The following OR14C36 variants were observed in gnomAD, a reference collection of about 807,000 sequenced individuals.
The protein encoded by OR14C36 is olfactory receptor 14C36.
For missense variants in OR14C36, 404 were observed against 384.8 expected (o/e 1.05, Z -0.42); for synonymous variants, 142 against 146.8 (o/e 0.97, Z 0.24).
chr1:248,349,119 T>C lies in OR14C36; in HGVS notation c.345T>C (p.Ile115=), dbSNP rs1333287557. 4 of 1,613,952 alleles carry C rather than the reference T, an allele frequency of 2.5e-6. No individual in the cohort carries two copies. The highest frequency in any genetic ancestry group is 1.7e-5 in the Admixed American group (1 of 59,970). The change falls in exon 1 of 1, where the codon ATT becomes ATC. Residue 115 remains isoleucine, a synonymous_variant. Coordinates refer to ENST00000317861, the MANE Select transcript of OR14C36 (RefSeq NM_001001918.1). ...ATGTGGAGCTTCTGTTTCTCACCAT[T>C]ATGGCTCATGACCGCTATGTGGCTG... ...FVYVELLFLT[I]MAHDRYVAVC...
chr1:248,349,457 G>T lies in OR14C36; in HGVS notation c.683G>T (p.Arg228Ile), dbSNP rs1415558005. The T allele has an allele frequency of 6.2e-7, 1 of 1,613,988 alleles. No individual in the cohort carries two copies. The highest frequency in any genetic ancestry group is 2.2e-5 in the East Asian group (1 of 44,870). ...HIFSTVLGFP[R>I]GADRTKAFST... The stretch of plus-strand genomic sequence containing the variant: ...TTTTCGACCGTGCTCGGGTTTCCAA[G>T]AGGAGCAGACAGAACAAAGGCCTTT... The change falls in exon 1 of 1, where the codon AGA becomes ATA. Residue 228 changes from arginine to isoleucine, a missense_variant. Coordinates refer to ENST00000317861, the MANE Select transcript of OR14C36 (RefSeq NM_001001918.1).
Position 248,348,783 on chromosome 1 carries a change from T to C in OR14C36, c.9T>C (p.Asn3=), listed in dbSNP as rs1660457859. Residue 3 remains asparagine, a synonymous_variant, in exon 1 of 1, where the codon AAT becomes AAC. Coordinates refer to ENST00000317861, the MANE Select transcript of OR14C36 (RefSeq NM_001001918.1). ...AGCTTCATCATCCACCGATGCCCAA[T>C]TCAACCACCGTGATGGAATTTCTCC... The part of the protein sequence containing the change: MP[N]STTVMEFLLM... 1 of 1,578,656 alleles carries C rather than the reference T, an allele frequency of 6.3e-7. No individual in the cohort carries two copies.
At position 248,349,526 on chromosome 1, in the gene OR14C36, G is replaced by A. The variant is rs1393775643; in HGVS notation, c.752G>A (p.Ser251Asn). 6.2e-7 allele frequency: 1 copy of A among 1,614,030 alleles called. No individual in the cohort carries two copies. ...ATCCTGGTGGTGTCAGTCTTCCTCA[G>A]TTCATGCTCTTCTGTGTACCTCAGG... ...PHILVVSVFL[S>N]SCSSVYLRPP... Residue 251 changes from serine to asparagine, a missense_variant, in exon 1 of 1, where the codon AGT becomes AAT. Physicochemically the swap from Ser to Asn is conservative, Grantham distance 46. Transcript: ENST00000317861.
chr1:248,349,246 A>G lies in OR14C36; in HGVS notation c.472A>G (p.Thr158Ala). Residue 158 changes from threonine to alanine, a missense_variant, in exon 1 of 1, where the codon ACT becomes GCT. Thr to Ala is a moderately conservative substitution (Grantham distance 58). Transcript: ENST00000317861. The stretch of plus-strand genomic sequence containing the variant: ...TGGTCTTGTCTATGCAGGCATGCAC[A>G]CTGGCAGCACATTCCAGCTGCCCTT... Reference protein sequence around the residue: ...LSGLVYAGMHTGSTFQLPFCR... With the variant: ...LSGLVYAGMHAGSTFQLPFCR... 6.2e-7 allele frequency: 1 copy of G among 1,613,958 alleles called. No homozygotes were observed.
In OR14C36 at chr1:248,349,571, C is replaced by A. The variant is rs567673486; in HGVS notation, c.797C>A (p.Ala266Asp). ...VYLRPPAIPA[A>D]TQDLILSGFY... ...CTCAGGCCACCTGCGATACCTGCAG[C>A]CACCCAGGATCTGATCCTTTCTGGT... The change falls in exon 1 of 1, where the codon GCC becomes GAC. Residue 266 changes from alanine to aspartate, a missense_variant. Ala to Asp is a moderately radical substitution (Grantham distance 126, BLOSUM62 -2). Transcript: ENST00000317861. The A allele has an allele frequency of 5.9e-5, 95 of 1,614,092 alleles. 1 individual carries two copies. The South Asian group carries it at 9.2e-4, about 16-fold the overall frequency.
In OR14C36 at chr1:248,349,086, T is replaced by C. The variant is rs569058329; in HGVS notation, c.312T>C (p.Phe104=). The part of the protein sequence containing the change: ...GCVAQVFLVV[F]FVYVELLFLT... ...TAGCTCAGGTCTTCCTCGTGGTTTTTTTTGTATATGTGGAGCTTCTGTTTC... is the reference window on the plus strand; with the variant it reads ...TAGCTCAGGTCTTCCTCGTGGTTTTCTTTGTATATGTGGAGCTTCTGTTTC... Residue 104 remains phenylalanine, a synonymous_variant, in exon 1 of 1, where the codon TTT becomes TTC. Transcript: ENST00000317861. 1.9e-5 allele frequency: 30 copies of C among 1,613,914 alleles called. No individual in the cohort carries two copies. The South Asian group carries it at 2.7e-4, about 15-fold the overall frequency.
At position 248,349,508 on chromosome 1, in the gene OR14C36, T is replaced by C; in HGVS notation, c.734T>C (p.Val245Ala). The stretch of plus-strand genomic sequence containing the variant: ...TCCACCTGCATCCCTCACATCCTGG[T>C]GGTGTCAGTCTTCCTCAGTTCATGC... ...AFSTCIPHIL[V>A]VSVFLSSCSS... Residue 245 changes from valine (V) to alanine (A), a missense_variant, in exon 1 of 1, where the codon GTG becomes GCG. Coordinates refer to ENST00000317861, the MANE Select transcript of OR14C36 (RefSeq NM_001001918.1). 6.2e-7 allele frequency: 1 copy of C among 1,614,088 alleles called. No homozygotes were observed.
rs971614761 is a variant in OR14C36 at position 248,349,476 on chromosome 1, G to A, written c.702G>A (p.Lys234=). The A allele has an allele frequency of 3.1e-6, 5 of 1,613,846 alleles. No individual in the cohort carries two copies. In the Admixed American group the frequency reaches 6.7e-5, roughly 22 times the overall value. Residue 234 remains lysine (K), a synonymous_variant, in exon 1 of 1, where the codon AAG becomes AAA. Transcript: ENST00000317861. ...LGFPRGADRT[K]AFSTCIPHIL... is the part of the protein sequence containing the mutation. ...TTCCAAGAGGAGCAGACAGAACAAA[G>A]GCCTTTTCCACCTGCATCCCTCACA...
Position 248,349,280 on chromosome 1 carries a change from C to T in OR14C36, c.506C>T (p.Ser169Phe), listed in dbSNP as rs1489983438. ...GSTFQLPFCR[S>F]NVIHQFFCDI... ...ACATTCCAGCTGCCCTTCTGTCGGT[C>T]CAACGTTATTCATCAATTCTTCTGT... Residue 169 changes from serine (S) to phenylalanine (F), a missense_variant, in exon 1 of 1, where the codon TCC becomes TTC. By Grantham distance (155) the Ser-to-Phe change is radical (BLOSUM62 -2). Transcript: ENST00000317861. 6.2e-7 allele frequency: 1 copy of T among 1,614,028 alleles called. No homozygotes were observed. Among genetic ancestry groups the T allele is most frequent in the Non-Finnish European group, 8.5e-7 (1 of 1,179,998 alleles).
At chr1:248,348,948 C>G in the OR14C36 span, 1 of 1,613,684 alleles carries the variant, frequency 6.2e-7, no homozygotes, top group Non-Finnish European at 8.5e-7. Flanking sequence ...TGCCCATGTA[C>G]TTCTTCCTCA....
At position 248,349,430 on chromosome 1, in the gene OR14C36, T is replaced by C; in HGVS notation, c.656T>C (p.Ile219Thr). 1 of 1,614,048 alleles carries C rather than the reference T, an allele frequency of 6.2e-7. No individual in the cohort carries two copies. Among genetic ancestry groups the C allele is most frequent in the Non-Finnish European group, 8.5e-7 (1 of 1,179,990 alleles). ...FIFIIRSYIH[I>T]FSTVLGFPRG... ...TTTATCATCAGGTCTTACATTCACA[T>C]CTTTTCGACCGTGCTCGGGTTTCCA... is the stretch of plus-strand genomic sequence containing the variant. Residue 219 changes from isoleucine to threonine, a missense_variant, in exon 1 of 1, where the codon ATC becomes ACC. By Grantham distance (89) the Ile-to-Thr change is moderately conservative. Transcript: ENST00000317861.
Position 248,348,976 on chromosome 1 carries a change from G to C in OR14C36, c.202G>C (p.Asp68His). ...YFFLRNLSIL[D>H]ACYISVTVPT... ...CTTCCTCAGGAATCTGTCTATCTTG[G>C]ATGCCTGCTACATTTCTGTTACAGT... Residue 68 changes from aspartate (D) to histidine (H), a missense_variant, in exon 1 of 1, where the codon GAT (aspartate) becomes CAT (histidine). Asp to His is a moderately conservative substitution (Grantham distance 81, BLOSUM62 -1). Coordinates refer to ENST00000317861, the MANE Select transcript of OR14C36 (RefSeq NM_001001918.1). 6.2e-7 allele frequency: 1 copy of C among 1,613,384 alleles called. No individual in the cohort carries two copies. The highest frequency in any genetic ancestry group is 8.5e-7 in the Non-Finnish European group (1 of 1,179,886).
At position 248,349,659 on chromosome 1, in the gene OR14C36, A is replaced by G. The variant is rs757835742; in HGVS notation, c.885A>G (p.Ile295Met). 1.2e-6 allele frequency: 2 copies of G among 1,606,616 alleles called. No homozygotes were observed. The highest frequency in any genetic ancestry group is 3.4e-5 in the Admixed American group (2 of 58,162). Residue 295 changes from isoleucine (I) to methionine (M), a missense_variant, in exon 1 of 1, where the codon ATA becomes ATG. Ile to Met is a conservative substitution (Grantham distance 10). Coordinates refer to ENST00000317861, the MANE Select transcript of OR14C36 (RefSeq NM_001001918.1). ...TTTACAGTCTTAGAAATAAGCAAAT[A>G]AAGGTGGCCATCAAGAAAATCATGA... ...PIIYSLRNKQ[I>M]KVAIKKIMKR...
rs775604953 is a variant in OR14C36 at position 248,348,902 on chromosome 1, T to C, written c.128T>C (p.Ile43Thr). 10 of 1,613,844 alleles carry C rather than the reference T, an allele frequency of 6.2e-6. No homozygotes were observed. The highest frequency in any genetic ancestry group is 1.3e-5 in the African/African-American group (1 of 74,952). ...GTAACTCTAATGGGAAACATCCTCA[T>C]TGTGACCGTCACCACCTGTGACAGC... ...YLVTLMGNIL[I>T]VTVTTCDSSL... Residue 43 changes from isoleucine (I) to threonine (T), a missense_variant, in exon 1 of 1, where the codon ATT (isoleucine) becomes ACT (threonine). Coordinates refer to ENST00000317861, the MANE Select transcript of OR14C36 (RefSeq NM_001001918.1).
chr1:248,349,628 C>T lies in OR14C36; in HGVS notation c.854C>T (p.Pro285Leu). Residue 285 changes from proline (P) to leucine (L), a missense_variant, in exon 1 of 1, where the codon CCT (proline) becomes CTT (leucine). Pro to Leu is a moderately conservative substitution (Grantham distance 98). Transcript: ENST00000317861. ...FYSIMPPLFNPIIYSLRNKQI... is the reference protein window; with the variant it reads ...FYSIMPPLFNLIIYSLRNKQI... ...TCCATAATGCCTCCCCTCTTTAACC[C>T]TATTATTTACAGTCTTAGAAATAAG... is the stretch of plus-strand genomic sequence containing the variant. The T allele has an allele frequency of 6.2e-7, 1 of 1,613,550 alleles. No individual in the cohort carries two copies. The highest frequency in any genetic ancestry group is 1.1e-5 in the South Asian group (1 of 91,050).
the OR14C36 span, chr1:248,349,341 CA>C: frequency 6.2e-7 from 1 of 1,613,910 alleles, no homozygotes; most frequent in African/African-American, 1.3e-5. Context: ...CTTGCTCTGA[CA>C]CCTTCAGCAA....
At position 248,349,518 on chromosome 1, in the gene OR14C36, C is replaced by T. The variant is rs142764213; in HGVS notation, c.744C>T (p.Val248=). ...TCCCTCACATCCTGGTGGTGTCAGT[C>T]TTCCTCAGTTCATGCTCTTCTGTGT... ...TCIPHILVVS[V]FLSSCSSVYL... The change falls in exon 1 of 1, where the codon GTC becomes GTT. Residue 248 remains valine, a synonymous_variant. Transcript: ENST00000317861. 1.1e-4 allele frequency: 175 copies of T among 1,613,950 alleles called. No homozygotes were observed. Among genetic ancestry groups the T allele is most frequent in the Non-Finnish European group, 1.5e-4 (172 of 1,179,970 alleles).
rs767490926 is a variant in OR14C36, at chr1:248,349,531, T to C, written c.757T>C (p.Cys253Arg). The change falls in exon 1 of 1, where the codon TGC (cysteine) becomes CGC (arginine). Residue 253 changes from cysteine (C) to arginine (R), a missense_variant. Coordinates refer to ENST00000317861, the MANE Select transcript of OR14C36 (RefSeq NM_001001918.1). ...GGTGGTGTCAGTCTTCCTCAGTTCA[T>C]GCTCTTCTGTGTACCTCAGGCCACC... is the stretch of plus-strand genomic sequence containing the variant. Reference protein sequence around the residue: ...ILVVSVFLSSCSSVYLRPPAI... With the variant: ...ILVVSVFLSSRSSVYLRPPAI... 22 of 1,614,060 alleles carry C rather than the reference T, an allele frequency of 1.4e-5. No individual in the cohort carries two copies. Among genetic ancestry groups the C allele is most frequent in the Non-Finnish European group, 1.6e-5 (19 of 1,180,020 alleles).
At chr1:248,349,081 G>GT in the OR14C36 span, 127 of 1,613,312 alleles carry the variant, frequency 7.9e-5, 3 homozygotes, top group South Asian at 5.7e-4. Context: ...CTTCCTCGTG[G>GT]TTTTTTTTGT....
Sources: gnomAD v4.1 joint callset for allele counts on GRCh38, gnomAD v4.1.1 for gene constraint, MANE v1.5 for transcripts, NCBI Gene and HGNC (gene_info 2026-07-23, HGNC 2026-07-21) for gene names.